Variants in PANK2 observed in about 807,000 individuals in gnomAD.
PANK2 encodes pantothenate kinase 2.
Under a neutral mutation model 43.1 loss-of-function variants are expected in PANK2, and 36 were observed. The observed-to-expected ratio is 0.84, with a 90% CI of 0.64 to 1.10. PANK2 has a LOEUF of 1.10. Ranked by LOEUF, PANK2 falls within the 50% of genes least tolerant of loss-of-function variation. The pLI is 0.00. For synonymous variants in PANK2, 281 were observed against 238.2 expected, an observed-to-expected ratio of 1.18 and a Z score of -1.66; for missense variants, 576 against 593.3, an observed-to-expected ratio of 0.97 and a Z score of 0.30.
At chr20:3,919,616 T>C (rs992269075) in intron 6 of PANK2, among the ~76,000 whole-genome samples, 1 of 152,208 alleles carries the variant, frequency 6.6e-6, no homozygotes, top group African/African-American at 2.4e-5. Context: ...CTCAACCTCA[T>C]AGCCTGTCTT....
chr20:3,889,005 C>G, upstream of PANK2: 1 of 1,009,546 alleles, frequency 9.9e-7, no homozygotes, highest in Non-Finnish European at 1.4e-6. Context: ...GAGGACGGCA[C>G]GGAGCAGCGG....
At chr20:3,890,259 T>G (rs556099294) in intron 1 of PANK2, among the ~76,000 whole-genome samples, 2 of 152,214 alleles carry the variant, frequency 1.3e-5, no homozygotes, top group South Asian at 4.1e-4. Context: ...GCCCTTCTTC[T>G]CGTGAGAATC....
In PANK2 at chr20:3,924,768, C is replaced by T. The variant is rs755734620; in HGVS notation, c.*1474C>T. The T allele has an allele frequency of 6.5e-6, 1 of 153,584 alleles. No homozygotes were observed. Among genetic ancestry groups the T allele is most frequent in the African/African-American group, 2.4e-5 (1 of 41,456 alleles). 9.5% of individuals were successfully genotyped at this position (153,584 alleles called of 1,614,324 possible). A position where few individuals can be genotyped will look rare whatever the true frequency, so the allele number is the denominator to read the frequency against. ...CCAGCAGCGCTGTTGGTGGCCTCACCCTCCTCCAGTACCCAGGCACCAAAG... is the reference window on the plus strand; with the variant it reads ...CCAGCAGCGCTGTTGGTGGCCTCACTCTCCTCCAGTACCCAGGCACCAAAG... On this transcript the variant is annotated 3_prime_UTR_variant, in exon 7 of 7. Transcript: ENST00000610179.
At chr20:3,897,668 C>G (rs1411847739) in intron 1 of PANK2, among the ~76,000 whole-genome samples, 1 of 151,794 alleles carries the variant, frequency 6.6e-6, no homozygotes, top group Non-Finnish European at 1.5e-5. Flanking sequence ...CCACTGTACT[C>G]TAGCCTGGAT....
At position 3,889,420 on chromosome 20, in the gene PANK2, G is replaced by A. The variant is rs747857216; in HGVS notation, c.-11G>A. On this transcript the variant is annotated 5_prime_UTR_variant, in exon 1 of 7. Transcript: ENST00000610179. ...TGGACTGCCGCGGAGGAGGCGAGAA[G>A]GAATCCGACGCTGGGGGGCTTGCTC... 21 of 1,569,316 alleles carry A rather than the reference G, an allele frequency of 1.3e-5. No homozygotes were observed. The highest frequency in any genetic ancestry group is 2.7e-5 in the African/African-American group (2 of 74,196).
rs148145441 is a variant in PANK2 at position 3,892,738 on chromosome 20, C to G, written c.298+3010C>G. On this transcript the variant is annotated intron_variant, in intron 1 of 6. Transcript: ENST00000610179. Reference sequence around the variant, plus strand: ...ACTTGTCTAAAGGTGCAGATAGATACTAGTTGTCATTTGAAAGTCGAAGGA... The same window carrying G: ...ACTTGTCTAAAGGTGCAGATAGATAGTAGTTGTCATTTGAAAGTCGAAGGA... Among the ~76,000 whole-genome samples, 4 of 148,742 alleles carry G rather than the reference C, an allele frequency of 2.7e-5. No homozygotes were observed. In the East Asian group the frequency reaches 8.0e-4, roughly 30 times the overall value.
chr20:3,908,120 CTG>C lies in PANK2; in HGVS notation c.498_499del (p.Cys166TrpfsTer15), dbSNP rs748911913. The C allele has an allele frequency of 2.3e-5, 37 of 1,614,202 alleles. No homozygotes were observed. The highest frequency in any genetic ancestry group is 6.6e-5 in the South Asian group (6 of 91,086). On this transcript the variant is annotated frameshift_variant, in exon 2 of 7. Transcript: ENST00000610179. LOFTEE classifies it high-confidence loss of function. ...GCACCTCGAGCTGAAGGACCTGACT[CTG>C]TGTGGACGCAAAGGCAATCTGCACT...
At chr20:3,907,291 G>T (rs1006322856) in intron 1 of PANK2, among the ~76,000 whole-genome samples, 12 of 151,734 alleles carry the variant, frequency 7.9e-5, no homozygotes, top group Admixed American at 3.9e-4. Flanking sequence ...TAGAGATGGG[G>T]TTTTACCATA....
At position 3,910,749 on chromosome 20, in the gene PANK2, T is replaced by C. The variant is rs1265867212; in HGVS notation, c.824T>C (p.Leu275Pro). The C allele has an allele frequency of 6.2e-7, 1 of 1,614,060 alleles. No homozygotes were observed. The highest frequency in any genetic ancestry group is 8.5e-7 in the Non-Finnish European group (1 of 1,180,020). Reference sequence around the variant, plus strand: ...TTTGATTTGAAAAATCCGTATCCTCTGCTTCTGGTGAACATTGGCTCAGGG... The same window carrying C: ...TTTGATTTGAAAAATCCGTATCCTCCGCTTCTGGTGAACATTGGCTCAGGG... The change falls in exon 3 of 7, where the codon CTG becomes CCG. Residue 275 changes from leucine (L) to proline (P), a missense_variant. By Grantham distance (98) the Leu-to-Pro change is moderately conservative (BLOSUM62 -3). Coordinates refer to ENST00000610179, the MANE Select transcript of PANK2 (RefSeq NM_001386393.1).
intron 2 of PANK2, 32 bp downstream of exon 2, chr20:3,908,310 G>A: frequency 6.6e-7 from 1 of 1,520,498 alleles, no homozygotes; most frequent in Non-Finnish European, 9.0e-7. Flanking sequence ...TACAATTTAT[G>A]GTAATTTGAT....
intron 6 of PANK2, among the ~76,000 whole-genome samples, chr20:3,919,420 TG>T (rs1233708894): frequency 6.6e-6 from 1 of 152,236 alleles, no homozygotes; most frequent in Non-Finnish European, 1.5e-5. Context: ...CTCTGGGTTC[TG>T]GTTTTTTCAT....
At chr20:3,894,819 G>C (rs969691860) in intron 1 of PANK2, among the ~76,000 whole-genome samples, 1 of 152,100 alleles carries the variant, frequency 6.6e-6, no homozygotes, top group African/African-American at 2.4e-5. Flanking sequence ...TAAGCAATAA[G>C]CAGGGACTAA....
At chr20:3,914,377 GC>G (rs1243491444) in intron 4 of PANK2, among the ~76,000 whole-genome samples, 1 of 151,664 alleles carries the variant, frequency 6.6e-6, no homozygotes, top group Non-Finnish European at 1.5e-5. Flanking sequence ...GTGCAGTGTT[GC>G]GATCATAACT....
chr20:3,928,906 A>C lies in PANK2; in HGVS notation c.*5612A>C, dbSNP rs1412591924. The C allele has an allele frequency of 6.6e-6, 1 of 150,420 alleles. No homozygotes were observed. Among genetic ancestry groups the C allele is most frequent in the Non-Finnish European group, 1.5e-5 (1 of 67,728 alleles). The allele number at this position is 150,420 out of a possible 1,614,324, so 9.3% of individuals were successfully genotyped here. A position where few individuals can be genotyped will look rare whatever the true frequency, so the allele number is the denominator to read the frequency against. Reference sequence around the variant, plus strand: ...CGCTCTGTTGCCCAGGCTGGAGTGCAGTGGGGATCTTGGCTCACTGCAACT... The same window carrying C: ...CGCTCTGTTGCCCAGGCTGGAGTGCCGTGGGGATCTTGGCTCACTGCAACT... On this transcript the variant is annotated 3_prime_UTR_variant, in exon 7 of 7. Transcript: ENST00000610179.
At chr20:3,908,429 G>A in intron 2 of PANK2, 151 bp downstream of exon 2, 1 of 790,198 alleles carries the variant, frequency 1.3e-6, no homozygotes, top group South Asian at 1.7e-5. Context: ...ATAGGAGTTG[G>A]CCATCTAGAG....
chr20:3,893,931 G>GTTTTTTTTTTTTTTT (rs374582085), intron 1 of PANK2, among the ~76,000 whole-genome samples: 1 of 73,164 alleles, frequency 1.4e-5, no homozygotes, highest in Non-Finnish European at 3.1e-5. Flanking sequence ...TTTGTTTTTT[G>GTTTTTTTTTTTTTTT]TTTTTTTTTT....
chr20:3,921,291 TAGCCTCTCTG>T (rs2090643463), intron 6 of PANK2: 1 of 152,022 alleles, frequency 6.6e-6, no homozygotes, highest in Non-Finnish European at 1.5e-5. Flanking sequence ...TTGATTATTT[TAGCCTCTCTG>T]AGCCTTGAAA....
At chr20:3,894,107 G>A (rs1166766064) in intron 1 of PANK2, among the ~76,000 whole-genome samples, 1 of 151,624 alleles carries the variant, frequency 6.6e-6, no homozygotes, top group South Asian at 2.1e-4. Context: ...AATTTTTTGT[G>A]TTTAGTAGAG....
At chr20:3,896,066 C>G (rs1600498331) in intron 1 of PANK2, among the ~76,000 whole-genome samples, 2 of 142,226 alleles carry the variant, frequency 1.4e-5, no homozygotes, top group Non-Finnish European at 3.1e-5. Flanking sequence ...CTGTGTGTTT[C>G]TTTTTTTTTT....
Sources: gnomAD v4.1 joint callset for allele counts (sites outside exome capture counted in the v4.1 genomes callset) on GRCh38, gnomAD v4.1.1 for gene constraint, MANE v1.5 for transcripts, NCBI Gene and HGNC (gene_info 2026-07-23, HGNC 2026-07-21) for gene names.